PLXNB1: variants seen among roughly 807,000 people sequenced by gnomAD.
PLXNB1 encodes the protein plexin-B1.
A neutral mutation model predicts 209.4 loss-of-function variants in PLXNB1; 106 were observed. The ratio of observed to expected loss-of-function variants is 0.51; its 90% CI spans 0.43 to 0.59. PLXNB1 has a LOEUF of 0.59. PLXNB1 is among the 20% of genes least tolerant of loss of function. The pLI is 0.00. For synonymous variants in PLXNB1, 1,167 were observed against 1,183.2 expected (o/e 0.99, Z 0.28); for missense variants, 2,357 against 2,853.2 (o/e 0.83, Z 3.96).
rs778679984 is a variant in PLXNB1 at position 48,410,004 on chromosome 3, C to A, written c.5679G>T (p.Pro1893=). The change falls in exon 32 of 38, where the codon CCG becomes CCT. Residue 1893 remains proline, a synonymous_variant. Transcript: ENST00000296440. The surrounding 1 kb of genome is among the most constrained non-coding windows in gnomAD (Gnocchi z 6.4). The part of the protein sequence containing the change: ...PWHLVKPSDE[P]EPPRPRRGSL... Reference sequence around the variant, plus strand: ...TGCCCCTCCGAGGCCTGGGCGGCTCCGGCTCATCACTTGGCTTCACCAGGT... The same window carrying A: ...TGCCCCTCCGAGGCCTGGGCGGCTCAGGCTCATCACTTGGCTTCACCAGGT... 8 of 1,612,660 alleles carry A rather than the reference C, an allele frequency of 5.0e-6. No individual in the cohort carries two copies. The highest frequency in any genetic ancestry group is 6.8e-6 in the Non-Finnish European group (8 of 1,179,592).
rs948129414 is a variant in PLXNB1, at chr3:48,424,087, C to T, written c.525G>A (p.Arg175=). Residue 175 remains arginine (R), a synonymous_variant, in exon 3 of 38, where the codon AGG becomes AGA. Coordinates refer to ENST00000296440, the MANE Select transcript of PLXNB1 (RefSeq NM_001130082.3). ...LLFVGRGYTS[R]GVGGGIPPIT... is the part of the protein sequence containing the mutation. ...TGGGTGGAATGCCACCCCCCACACCCCTGCTGGTGTATCCTCGCCCCACAA... is the reference window on the plus strand; with the variant it reads ...TGGGTGGAATGCCACCCCCCACACCTCTGCTGGTGTATCCTCGCCCCACAA... 4.5e-6 allele frequency: 7 copies of T among 1,565,130 alleles called. No homozygotes were observed. The highest frequency in any genetic ancestry group is 1.2e-5 in the South Asian group (1 of 86,288).
rs1308020966 is a variant in PLXNB1 at position 48,419,714 on chromosome 3, C to T, written c.2572G>A (p.Gly858Ser). The change falls in exon 11 of 38, where the codon GGT becomes AGT. Residue 858 changes from glycine (G) to serine (S), a missense_variant. By Grantham distance (56) the Gly-to-Ser change is moderately conservative. Transcript: ENST00000296440. The surrounding 1 kb of genome is among the most constrained non-coding windows in gnomAD (Gnocchi z 5.7). ...GAAGTGGAGAAGGCGGGTGCGTCAC[C>T]CCCCGTCCACTCGTCCGCCTCGGGC... ...ELPEADEWTG[G>S]DAPAFSTSTL... is the part of the protein sequence containing the mutation. 1.2e-6 allele frequency: 2 copies of T among 1,611,860 alleles called. No homozygotes were observed. The highest frequency in any genetic ancestry group is 1.7e-6 in the Non-Finnish European group (2 of 1,179,710).
rs758773919 is a variant in PLXNB1, at chr3:48,415,329, G to A, written c.3813C>T (p.Cys1271=). Residue 1271 remains cysteine, a synonymous_variant, in exon 20 of 38, where the codon TGC becomes TGT. Coordinates refer to ENST00000296440, the MANE Select transcript of PLXNB1 (RefSeq NM_001130082.3). This position sits in a 1 kb window ranked among gnomAD's most constrained non-coding sequence, Gnocchi z 5.0. ...KSFLSGGREI[C]VRGQNLDVVQ... Reference sequence around the variant, plus strand: ...CCACGTCCAGATTCTGGCCACGGACGCATATCTCACGTCCTCCACTGAAAC... The same window carrying A: ...CCACGTCCAGATTCTGGCCACGGACACATATCTCACGTCCTCCACTGAAAC... The A allele has an allele frequency of 1.1e-5, 18 of 1,613,278 alleles. No homozygotes were observed. Among genetic ancestry groups the A allele is most frequent in the East Asian group, 1.1e-4 (5 of 44,890 alleles).
At position 48,418,483 on chromosome 3, in the gene PLXNB1, G is replaced by A. The variant is rs749409588; in HGVS notation, c.3015C>T (p.Gly1005=). Residue 1005 remains glycine (G), a synonymous_variant, in exon 14 of 38, where the codon GGC becomes GGT. Coordinates refer to ENST00000296440, the MANE Select transcript of PLXNB1 (RefSeq NM_001130082.3). This position sits in a 1 kb window ranked among gnomAD's most constrained non-coding sequence, Gnocchi z 6.6. ...LRVGLFLRRA[G]RLRVDSAEGL... is the part of the protein sequence containing the mutation. ...CCTCAGCACTGTCCACACGCAGACG[G>A]CCGGCCCGACGCAGAAACAGCCCCA... 2 of 1,612,518 alleles carry A rather than the reference G, an allele frequency of 1.2e-6. No homozygotes were observed. Among genetic ancestry groups the A allele is most frequent in the African/African-American group, 1.3e-5 (1 of 74,892 alleles).
In PLXNB1 at chr3:48,416,036, A is replaced by G; in HGVS notation, c.3612T>C (p.Cys1204=). ...DIRVVVGDQP[C]HLLPEQQSEQ... ...GATGAGGAAGTGGCCCTCACAAGTG[A>G]CAAGGCTGGTCTCCAACCACCACTC... Residue 1204 remains cysteine (C), a synonymous_variant, in exon 18 of 38, where the codon TGT becomes TGC. Coordinates refer to ENST00000296440, the MANE Select transcript of PLXNB1 (RefSeq NM_001130082.3). This position sits in a 1 kb window ranked among gnomAD's most constrained non-coding sequence, Gnocchi z 4.1. 6.2e-7 allele frequency: 1 copy of G among 1,603,878 alleles called. No homozygotes were observed. Among genetic ancestry groups the G allele is most frequent in the Non-Finnish European group, 8.5e-7 (1 of 1,175,420 alleles).
chr3:48,406,595 A>G lies in PLXNB1; in HGVS notation c.6228+228T>C. The G allele has an allele frequency of 2.9e-6, 4 of 1,373,076 alleles. No homozygotes were observed. The highest frequency in any genetic ancestry group is 3.8e-6 in the Non-Finnish European group (4 of 1,064,378). 85.1% of individuals were successfully genotyped at this position (1,373,076 alleles called of 1,614,324 possible). A position where few individuals can be genotyped will look rare whatever the true frequency, so the allele number is the denominator to read the frequency against. On this transcript the variant is annotated intron_variant, in intron 36 of 37. Coordinates refer to ENST00000296440, the MANE Select transcript of PLXNB1 (RefSeq NM_001130082.3). The surrounding 1 kb of genome is among the most constrained non-coding windows in gnomAD (Gnocchi z 4.4). ...TGCAAGAGCCTGGCTGAATCAGGGT[A>G]CATGGCAGCTGCCAGGACAAGACCC...
chr3:48,419,805 A>G lies in PLXNB1; in HGVS notation c.2481T>C (p.Thr827=), dbSNP rs1343458952. Residue 827 remains threonine (T), a synonymous_variant, in exon 11 of 38, where the codon ACT becomes ACC. Transcript: ENST00000296440. The surrounding 1 kb of genome is among the most constrained non-coding windows in gnomAD (Gnocchi z 5.7). ...DLPPATVPAT[T]FPGAMGSVKP... ...TCACGGAGCCCATGGCCCCTGGGAA[A>G]GTGGTGGCAGGAACAGTGGCAGGGG... 1 of 1,592,206 alleles carries G rather than the reference A, an allele frequency of 6.3e-7. No homozygotes were observed. The highest frequency in any genetic ancestry group is 1.8e-5 in the Admixed American group (1 of 56,930).
chr3:48,416,518 C>T lies in PLXNB1; in HGVS notation c.3375-67G>A. 3 of 1,039,288 alleles carry T rather than the reference C, an allele frequency of 2.9e-6. No homozygotes were observed. The highest frequency in any genetic ancestry group is 4.4e-6 in the Non-Finnish European group (3 of 689,604). 64.4% of individuals were successfully genotyped at this position (1,039,288 alleles called of 1,614,324 possible). A position where few individuals can be genotyped will look rare whatever the true frequency, so the allele number is the denominator to read the frequency against. Reference sequence around the variant, plus strand: ...AGGGCCCCTCAAGCTTACCTGGCAGCCCCTCTCCCTGCCCTACTGTCAGGT... The same window carrying T: ...AGGGCCCCTCAAGCTTACCTGGCAGTCCCTCTCCCTGCCCTACTGTCAGGT... On this transcript the variant is annotated intron_variant, in intron 16 of 37. Transcript: ENST00000296440. The surrounding 1 kb of genome is among the most constrained non-coding windows in gnomAD (Gnocchi z 4.1).
chr3:48,420,000 G>A lies in PLXNB1; in HGVS notation c.2286C>T (p.Pro762=). ...GSPLHEEPSP[P]SPQNGPGTAV... is the part of the protein sequence containing the mutation. ...CGGTTCCAGGTCCATTTTGGGGGCT[G>A]GGAGGGGAGGGCTCCTCATGGAGAG... is the stretch of plus-strand genomic sequence containing the variant. Residue 762 remains proline (P), a synonymous_variant, in exon 11 of 38, where the codon CCC becomes CCT. Coordinates refer to ENST00000296440, the MANE Select transcript of PLXNB1 (RefSeq NM_001130082.3). The surrounding 1 kb of genome is among the most constrained non-coding windows in gnomAD (Gnocchi z 5.7). The A allele has an allele frequency of 6.2e-7, 1 of 1,600,292 alleles. No individual in the cohort carries two copies. Among genetic ancestry groups the A allele is most frequent in the East Asian group, 2.2e-5 (1 of 44,662 alleles).
rs1426802139 is a variant in PLXNB1 at position 48,412,289 on chromosome 3, C to T, written c.5049G>A (p.Val1683=). Residue 1683 remains valine, a synonymous_variant, in exon 27 of 38, where the codon GTG becomes GTA. Coordinates refer to ENST00000296440, the MANE Select transcript of PLXNB1 (RefSeq NM_001130082.3). ...KLMLRRTETV[V]EKLLTNWMSI... Reference sequence around the variant, plus strand: ...ACATCCAGTTGGTGAGCAGCTTCTCCACCACAGTCTCTGTCCTGAGATGAT... The same window carrying T: ...ACATCCAGTTGGTGAGCAGCTTCTCTACCACAGTCTCTGTCCTGAGATGAT... 6.2e-7 allele frequency: 1 copy of T among 1,614,076 alleles called. No homozygotes were observed. The highest frequency in any genetic ancestry group is 8.5e-7 in the Non-Finnish European group (1 of 1,180,012).
rs939435945 is a variant in PLXNB1 at position 48,418,510 on chromosome 3, A to G, written c.2988T>C (p.Arg996=). The change falls in exon 14 of 38, where the codon CGT becomes CGC. Residue 996 remains arginine (R), a synonymous_variant. Transcript: ENST00000296440. The surrounding 1 kb of genome is among the most constrained non-coding windows in gnomAD (Gnocchi z 6.6). ...LSYEALQPEL[R]VGLFLRRAGR... Reference sequence around the variant, plus strand: ...CGGCCCGACGCAGAAACAGCCCCACACGGAGCTCCGGCTGCAGAGCCTCAT... The same window carrying G: ...CGGCCCGACGCAGAAACAGCCCCACGCGGAGCTCCGGCTGCAGAGCCTCAT... 2 of 1,609,656 alleles carry G rather than the reference A, an allele frequency of 1.2e-6. No individual in the cohort carries two copies. Among genetic ancestry groups the G allele is most frequent in the Non-Finnish European group, 1.7e-6 (2 of 1,178,398 alleles).
At position 48,419,115 on chromosome 3, in the gene PLXNB1, C is replaced by G. The variant is rs891493358; in HGVS notation, c.2833-76G>C. The G allele has an allele frequency of 8.2e-6, 13 of 1,586,062 alleles. No homozygotes were observed. Among genetic ancestry groups the G allele is most frequent in the African/African-American group, 1.3e-5 (1 of 74,538 alleles). On this transcript the variant is annotated intron_variant, in intron 12 of 37. Transcript: ENST00000296440. The surrounding 1 kb of genome is among the most constrained non-coding windows in gnomAD (Gnocchi z 5.7). ...GAGTCCTGCAGGTCACCCAACAGATCCCCCAGCACAGCTTCTGGGTTGGAG... is the reference window on the plus strand; with the variant it reads ...GAGTCCTGCAGGTCACCCAACAGATGCCCCAGCACAGCTTCTGGGTTGGAG...
At position 48,404,374 on chromosome 3, in the gene PLXNB1, A is replaced by G; in HGVS notation, c.*112T>C. On this transcript the variant is annotated 3_prime_UTR_variant, in exon 38 of 38. Coordinates refer to ENST00000296440, the MANE Select transcript of PLXNB1 (RefSeq NM_001130082.3). The stretch of plus-strand genomic sequence containing the variant: ...ACCAGGAGACTGGGAGTCACCTTCC[A>G]CTAACTCTGCTTGTCAGTCACTACA... 1.5e-6 allele frequency: 1 copy of G among 657,782 alleles called. No individual in the cohort carries two copies. The highest frequency in any genetic ancestry group is 2.6e-6 in the Non-Finnish European group (1 of 383,210). 40.7% of individuals were successfully genotyped at this position (657,782 alleles called of 1,614,324 possible).
In PLXNB1 at chr3:48,420,246, G is replaced by A. The variant is rs1187596701; in HGVS notation, c.2040C>T (p.Val680=). Residue 680 remains valine, a synonymous_variant, in exon 11 of 38, where the codon GTC becomes GTT. Coordinates refer to ENST00000296440, the MANE Select transcript of PLXNB1 (RefSeq NM_001130082.3). ...CACCTCTTGCAGGAGGGTCTGGGGAGACAAGCGGGCTCTGAAGGGGGAGGC... is the reference window on the plus strand; with the variant it reads ...CACCTCTTGCAGGAGGGTCTGGGGAAACAAGCGGGCTCTGAAGGGGGAGGC... ...PMVASHQSPL[V]SPDPPARGGP... 6.5e-7 allele frequency: 1 copy of A among 1,544,004 alleles called. No individual in the cohort carries two copies.
rs6806094 is a variant in PLXNB1 at position 48,414,698 on chromosome 3, G to A, written c.4209+101C>T. On this transcript the variant is annotated intron_variant, in intron 21 of 37. Transcript: ENST00000296440. ...GGATGAGGAGCCATGTCCATCCACCGGCCCTTGCTCTACTGTCTCGGCCTC... is the reference window on the plus strand; with the variant it reads ...GGATGAGGAGCCATGTCCATCCACCAGCCCTTGCTCTACTGTCTCGGCCTC... The A allele has an allele frequency of 8.2e-4, 1,159 of 1,404,882 alleles. 13 individuals carry two copies. In the African/African-American group the frequency reaches 0.014, roughly 17 times the overall value. 87.0% of individuals were successfully genotyped at this position (1,404,882 alleles called of 1,614,324 possible).
intron 10 of PLXNB1, 34 bp downstream of exon 10, chr3:48,420,631 C>A (rs75080329): frequency 1.3e-6 from 2 of 1,555,824 alleles, no homozygotes; most frequent in East Asian, 4.5e-5. Context: ...ACCCCCAACC[C>A]CCCCGGTATG....
At chr3:48,423,385 G>A in intron 3 of PLXNB1, 120 bp downstream of exon 3, 1 of 1,105,894 alleles carries the variant, frequency 9.0e-7, no homozygotes, top group Non-Finnish European at 1.3e-6. Flanking sequence ...AATATTTGCT[G>A]ATCTGATCAT....
In PLXNB1 at chr3:48,410,786, T is replaced by TGA; in HGVS notation, c.5416+80_5416+81dup. On this transcript the variant is annotated intron_variant, in intron 29 of 37. Transcript: ENST00000296440. The surrounding 1 kb of genome is among the most constrained non-coding windows in gnomAD (Gnocchi z 6.4). ...CCAGCATCCTCCCCACCCTGAGTGA[T>TGA]GAGTTGTCCCTGCAGAGTTGGTCCG... The TGA allele has an allele frequency of 7.3e-7, 1 of 1,360,828 alleles. No individual in the cohort carries two copies. Among genetic ancestry groups the TGA allele is most frequent in the African/African-American group, 1.4e-5 (1 of 69,162 alleles). 84.3% of individuals were successfully genotyped at this position (1,360,828 alleles called of 1,614,324 possible).
Position 48,417,936 on chromosome 3 carries a change from C to T in PLXNB1, c.3349G>A (p.Ala1117Thr), listed in dbSNP as rs771202303. Residue 1117 changes from alanine to threonine, a missense_variant, in exon 16 of 38, where the codon GCC becomes ACC. Coordinates refer to ENST00000296440, the MANE Select transcript of PLXNB1 (RefSeq NM_001130082.3). This position sits in a 1 kb window ranked among gnomAD's most constrained non-coding sequence, Gnocchi z 4.4. ...CTGCTGGAGACCTCGTACTCCTGGG[C>T]ATCCACAGCACAGGGCACTCCAGCC... ...TVAGVPCAVD[A>T]QEYEVSSSLV... 4.9e-5 allele frequency: 79 copies of T among 1,612,134 alleles called. No homozygotes were observed. The highest frequency in any genetic ancestry group is 6.5e-5 in the Non-Finnish European group (77 of 1,179,224).
Sources: allele counts gnomAD v4.1 joint callset, GRCh38; gene constraint gnomAD v4.1.1; non-coding constraint Gnocchi (gnomAD v3.1); transcripts MANE v1.5; gene names NCBI Gene and HGNC (gene_info 2026-07-23, HGNC 2026-07-21).